AVIL: variants seen among roughly 807,000 people sequenced by gnomAD.
AVIL encodes the protein advillin.
A neutral mutation model predicts 109.9 loss-of-function variants in AVIL; 78 were observed. That is an observed-to-expected ratio of 0.71 (90% confidence interval 0.59 to 0.86). The LOEUF (loss-of-function observed/expected upper bound fraction) is 0.86. Ranked by LOEUF, AVIL falls within the 40% of genes least tolerant of loss-of-function variation. The probability of loss-of-function intolerance (pLI) is 0.00; values close to 1 mark genes in which losing one functional copy is unlikely to be tolerated. For missense variants in AVIL, 892 were observed against 1,016.5 expected, an observed-to-expected ratio of 0.88 and a Z score of 1.67; for synonymous variants, 367 against 379.1, an observed-to-expected ratio of 0.97 and a Z score of 0.37.
In AVIL at chr12:57,814,171, T is replaced by C; in HGVS notation, c.122A>G (p.Asp41Gly). The C allele has an allele frequency of 1.2e-6, 2 of 1,612,770 alleles. No individual in the cohort carries two copies. The highest frequency in any genetic ancestry group is 1.1e-5 in the South Asian group (1 of 90,840). ...GCTCACCGAGAGGATGACGTAGCAG[T>C]CCCCCTCATAGAAGTTGCCGTGGGC... ...VSAHGNFYEG[D>G]CYVILSTRRV... The change falls in exon 3 of 20, where the codon GAC becomes GGC. Residue 41 changes from aspartate (D) to glycine (G), a missense_variant. Physicochemically the swap from Asp to Gly is moderately conservative, Grantham distance 94. Transcript: ENST00000549994.
rs1167188454 is a variant in AVIL at position 57,807,880 on chromosome 12, C to G, written c.1195-153G>C. The G allele has an allele frequency of 2.7e-6, 3 of 1,115,340 alleles. No individual in the cohort carries two copies. The East Asian group carries it at 7.5e-5, about 28-fold the overall frequency. 69.1% of individuals were successfully genotyped at this position (1,115,340 alleles called of 1,614,324 possible). On this transcript the variant is annotated intron_variant, in intron 11 of 19. Coordinates refer to ENST00000549994, the MANE Select transcript of AVIL (RefSeq NM_006576.4). ...CTCTCCCAGTGCTGAGGACTCATCA[C>G]ATTTGCATGATTTGAATCGTGAGAT...
intron 2 of AVIL, chr12:57,815,540 G>A (rs1304549048): frequency 8.3e-7 from 1 of 1,205,060 alleles, no homozygotes; most frequent in Non-Finnish European, 1.1e-6. Flanking sequence ...AAGAGGAGAC[G>A]GGCTGAACAG....
chr12:57,806,765 C>T lies in AVIL; in HGVS notation c.1492-226G>A, dbSNP rs557311455. Among the ~76,000 whole-genome samples the T allele has an allele frequency of 6.6e-5, 10 of 152,330 alleles. 1 individual carries two copies. The South Asian group carries it at 2.1e-3, about 32-fold the overall frequency. ...AGGCTCTGTGACTGGTGCTTACCTA[C>T]ATCATTTCATTGATCCTCATTATAA... On this transcript the variant is annotated intron_variant, in intron 13 of 19. Coordinates refer to ENST00000549994, the MANE Select transcript of AVIL (RefSeq NM_006576.4).
At chr12:57,817,830 C>A (rs1267374527) in intron 1 of AVIL, among the ~76,000 whole-genome samples, 1 of 152,174 alleles carries the variant, frequency 6.6e-6, no homozygotes, top group Non-Finnish European at 1.5e-5. Flanking sequence ...ACAGAAAACA[C>A]AGTTCTGACA....
At position 57,811,112 on chromosome 12, in the gene AVIL, A is replaced by AC. The variant is rs763284489; in HGVS notation, c.353dup (p.Val119CysfsTer43). 2 of 1,613,806 alleles carry AC rather than the reference A, an allele frequency of 1.2e-6. No individual in the cohort carries two copies. Among genetic ancestry groups the AC allele is most frequent in the East Asian group, 2.2e-5 (1 of 44,864 alleles). ...CCACGTGCTTCATCCCAGAGGCGAC[A>AC]CCCCCCTGCTTGTAGCTAAGGGAAC... is the stretch of plus-strand genomic sequence containing the variant. On this transcript the variant is annotated frameshift_variant, in exon 5 of 20. Coordinates refer to ENST00000549994, the MANE Select transcript of AVIL (RefSeq NM_006576.4). LOFTEE classifies it high-confidence loss of function.
chr12:57,810,354 C>T lies in AVIL; in HGVS notation c.756G>A (p.Leu252=). ...IDQKQKSTIM[L]YHISDSAGQL... is the part of the protein sequence containing the mutation. ...AACCAGGTTGAGCTACTCACTGATA[C>T]AACATGATAGTTGATTTCTGCTTCT... Residue 252 remains leucine (L), a synonymous_variant, in exon 7 of 20, where the codon TTG becomes TTA. Coordinates refer to ENST00000549994, the MANE Select transcript of AVIL (RefSeq NM_006576.4). The T allele has an allele frequency of 3.1e-6, 5 of 1,614,172 alleles. No homozygotes were observed. In the South Asian group the frequency reaches 5.5e-5, roughly 18 times the overall value.
intron 1 of AVIL, chr12:57,816,313 G>A (rs376420668): frequency 1.2e-4 from 46 of 399,034 alleles, no homozygotes; most frequent in East Asian, 7.8e-4. Context: ...TCTGGTAATC[G>A]TCATGGTTAT....
At chr12:57,817,674 G>C (rs1022181850) in intron 1 of AVIL, among the ~76,000 whole-genome samples, 1 of 152,068 alleles carries the variant, frequency 6.6e-6, no homozygotes, top group African/African-American at 2.4e-5. Context: ...CAAACCAGCC[G>C]GCAGCAATTA....
At chr12:57,798,033 CAT>C (rs1955771246) in intron 19 of AVIL, 38 bp from the exon 20 acceptor site, 3 of 1,481,812 alleles carry the variant, frequency 2.0e-6, no homozygotes, top group Non-Finnish European at 2.8e-6. Flanking sequence ...AGAAGGAAGA[CAT>C]GACATCATTG....
At chr12:57,812,217 G>A (rs1956046900) in intron 4 of AVIL, among the ~76,000 whole-genome samples, 1 of 152,276 alleles carries the variant, frequency 6.6e-6, no homozygotes, top group Non-Finnish European at 1.5e-5. Flanking sequence ...ATTTTTTGTG[G>A]AGATGAGGGT....
chr12:57,813,401 A>G lies in AVIL; in HGVS notation c.164T>C (p.Leu55Pro). ...GATCCAGAAGTGGATGTCCTGGGAT[A>G]GGAGACTGGCCACTCTCCGGGTCTG... ...ILSTRRVASL[L>P]SQDIHFWIGK... Residue 55 changes from leucine to proline, a missense_variant, in exon 4 of 20, where the codon CTA (leucine) becomes CCA (proline). Leu to Pro is a moderately conservative substitution (Grantham distance 98). Transcript: ENST00000549994. 6.2e-7 allele frequency: 1 copy of G among 1,614,022 alleles called. No homozygotes were observed.
At chr12:57,799,644 C>A in intron 19 of AVIL, 151 bp downstream of exon 19, 1 of 1,006,470 alleles carries the variant, frequency 9.9e-7, no homozygotes, top group Non-Finnish European at 1.5e-6. Flanking sequence ...AAGAAAGAAC[C>A]CTGGTTTTTT....
Position 57,814,188 on chromosome 12 carries a change from G to A in AVIL, c.105C>T (p.Gly35=). 6.2e-7 allele frequency: 1 copy of A among 1,613,240 alleles called. No homozygotes were observed. The highest frequency in any genetic ancestry group is 8.5e-7 in the Non-Finnish European group (1 of 1,179,842). Residue 35 remains glycine (G), a synonymous_variant, in exon 3 of 20, where the codon GGC becomes GGT. Transcript: ENST00000549994. ...CGTAGCAGTCCCCCTCATAGAAGTTGCCGTGGGCGCTCACAGGCACCAGCG... is the reference window on the plus strand; with the variant it reads ...CGTAGCAGTCCCCCTCATAGAAGTTACCGTGGGCGCTCACAGGCACCAGCG... ...ELALVPVSAH[G]NFYEGDCYVI...
intron 19 of AVIL, 30 bp from the exon 20 acceptor site, chr12:57,798,025 A>G: frequency 2.0e-6 from 3 of 1,525,338 alleles, no homozygotes; most frequent in Non-Finnish European, 2.7e-6. Flanking sequence ...TTCTAGTTAG[A>G]AGGAAGACAT....
At chr12:57,807,180 A>C in intron 13 of AVIL, 151 bp downstream of exon 13, 1 of 1,140,424 alleles carries the variant, frequency 8.8e-7, no homozygotes, top group Non-Finnish European at 1.2e-6. Context: ...GATTCACTTG[A>C]CTGTCTTAGA....
intron 9 of AVIL, chr12:57,809,093 C>CATTAAA: frequency 6.0e-6 from 1 of 165,644 alleles, no homozygotes; most frequent in Non-Finnish European, 1.3e-5. Flanking sequence ...CTCCCGGGTT[C>CATTAAA]AAGTGATTTT....
intron 4 of AVIL, among the ~76,000 whole-genome samples, chr12:57,812,715 TCTTA>T (rs61425752): frequency 0.23 from 35,457 of 152,044 alleles, 5,255 homozygotes; most frequent in East Asian, 0.64. Flanking sequence ...TTAGTCTGTT[TCTTA>T]CTTTGTGTGC....
rs1274003892 is a variant in AVIL at position 57,807,487 on chromosome 12, G to T, written c.1335C>A (p.Gly445=). 1.2e-6 allele frequency: 2 copies of T among 1,614,222 alleles called. No individual in the cohort carries two copies. The highest frequency in any genetic ancestry group is 1.7e-6 in the Non-Finnish European group (2 of 1,180,044). The change falls in exon 13 of 20, where the codon GGC becomes GGA. Residue 445 remains glycine (G), a splice_region_variant and synonymous_variant. Transcript: ENST00000549994. ...KPHHILYIWQ[G]RHASQDELAA... is the part of the protein sequence containing the mutation. ...CCAGCTCATCCTGTGAGGCGTGGCG[G>T]CCCTGCAATGGTGAGAGGCCATGAA...
At chr12:57,810,290 C>G (rs1956017715) in intron 7 of AVIL, 59 bp downstream of exon 7, 2 of 1,576,784 alleles carry the variant, frequency 1.3e-6, no homozygotes, top group Admixed American at 1.7e-5. Flanking sequence ...GGCTGGTGTT[C>G]TAGGGGACAC....
Sources: gnomAD v4.1 joint callset for allele counts (sites outside exome capture counted in the v4.1 genomes callset) on GRCh38, gnomAD v4.1.1 for gene constraint, MANE v1.5 for transcripts, NCBI Gene and HGNC (gene_info 2026-07-23, HGNC 2026-07-21) for gene names.